ATXN7: variants seen among roughly 807,000 people sequenced by gnomAD.
ATXN7 encodes the protein ataxin-7.
ATXN7 carries 12 observed loss-of-function variants against 70.5 expected under a neutral mutation model. The observed-to-expected ratio is 0.17, with a 90% confidence interval of 0.11 to 0.28. The LOEUF is 0.28. Ranked by LOEUF, ATXN7 falls within the 10% of genes least tolerant of loss-of-function variation. The pLI is 1.00. For synonymous variants in ATXN7, 498 were observed against 448.7 expected, an observed-to-expected ratio of 1.11 and a Z score of -1.39; for missense variants, 1,256 against 1,131.7, an observed-to-expected ratio of 1.11 and a Z score of -1.58.
chr3:63,916,905 T>TTTG (rs571642439), intron 4 of ATXN7, among the ~76,000 whole-genome samples: 14 of 152,110 alleles, frequency 9.2e-5, no homozygotes, highest in East Asian at 1.9e-4. Context: ...ATTTTGACTT[T>TTTG]TTGTTGTTGT....
chr3:63,909,412 A>G (rs1703940448), intron 2 of ATXN7, among the ~76,000 whole-genome samples: 2 of 152,188 alleles, frequency 1.3e-5, no homozygotes, highest in Non-Finnish European at 1.5e-5. Flanking sequence ...CCACACACAC[A>G]TACACACAAA....
chr3:63,990,166 A>C lies in ATXN7; in HGVS notation c.1362-10A>C, dbSNP rs760810024. 2 of 1,612,008 alleles carry C rather than the reference A, an allele frequency of 1.2e-6. No individual in the cohort carries two copies. ...TGATCTGATCCGTGCTGCACTTTCT[A>C]CTCACCAAGGCCTCCAGGCTGCCCT... is the stretch of plus-strand genomic sequence containing the variant. On this transcript the variant is annotated splice_polypyrimidine_tract_variant and intron_variant, in intron 9 of 12. Coordinates refer to ENST00000674280, the MANE Select transcript of ATXN7 (RefSeq NM_001377405.1).
At chr3:63,915,143 G>A (rs1200410059) in intron 4 of ATXN7, among the ~76,000 whole-genome samples, 1 of 152,116 alleles carries the variant, frequency 6.6e-6, no homozygotes, top group Admixed American at 6.5e-5. Flanking sequence ...CACCACGTTG[G>A]CCACGATGGT....
chr3:63,983,025 G>A lies in ATXN7; in HGVS notation c.1095+4G>A. On this transcript the variant is annotated splice_donor_region_variant and intron_variant, in intron 8 of 12. Coordinates refer to ENST00000674280, the MANE Select transcript of ATXN7 (RefSeq NM_001377405.1). ...CACCCGGTCTTTGACATGCAAGGTA[G>A]GTGGACTCCTGAAAGTCAAGTCGAC... 1 of 1,612,732 alleles carries A rather than the reference G, an allele frequency of 6.2e-7. No individual in the cohort carries two copies. The highest frequency in any genetic ancestry group is 8.5e-7 in the Non-Finnish European group (1 of 1,178,850).
chr3:63,986,470 G>T (rs1256568900), intron 8 of ATXN7, among the ~76,000 whole-genome samples: 1 of 152,136 alleles, frequency 6.6e-6, no homozygotes, highest in African/African-American at 2.4e-5. Context: ...CTGAGGAGAG[G>T]TTTATACATC....
intron 1 of ATXN7, among the ~76,000 whole-genome samples, chr3:63,879,215 A>G (rs1340956258): frequency 1.3e-5 from 2 of 152,230 alleles, no homozygotes; most frequent in African/African-American, 4.8e-5. Flanking sequence ...GAGTTACCCT[A>G]CTCTTATCAG....
chr3:63,935,349 C>G (rs1465730605), intron 4 of ATXN7, among the ~76,000 whole-genome samples: 1 of 152,080 alleles, frequency 6.6e-6, no homozygotes, highest in African/African-American at 2.4e-5. Flanking sequence ...AGCCCTTGCT[C>G]TGTATAGTCT....
At chr3:63,973,313 T>C (rs1186410954) in intron 5 of ATXN7, among the ~76,000 whole-genome samples, 1 of 150,666 alleles carries the variant, frequency 6.6e-6, no homozygotes, top group Non-Finnish European at 1.5e-5. Flanking sequence ...AAGGTGACCA[T>C]AAACAACCTG....
chr3:63,872,449 T>G (rs1371694714), intron 1 of ATXN7, among the ~76,000 whole-genome samples: 1 of 152,194 alleles, frequency 6.6e-6, no homozygotes, highest in Non-Finnish European at 1.5e-5. Flanking sequence ...CTCTCTGAGC[T>G]CCACATAATC....
At chr3:63,914,193 C>T (rs1217047635) in intron 4 of ATXN7, among the ~76,000 whole-genome samples, 1 of 152,202 alleles carries the variant, frequency 6.6e-6, no homozygotes, top group Non-Finnish European at 1.5e-5. Context: ...ATAGGTAGAA[C>T]TTTGGCAACT....
chr3:63,878,353 G>A (rs1702805245), intron 1 of ATXN7: 1 of 152,212 alleles, frequency 6.6e-6, no homozygotes, highest in Non-Finnish European at 1.5e-5. Context: ...CTCCTACCTA[G>A]AGAATTGTAA....
At position 63,912,804 on chromosome 3, in the gene ATXN7, C is replaced by T. The variant is rs1021114622; in HGVS notation, c.206C>T (p.Ser69Phe). 5 of 1,561,396 alleles carry T rather than the reference C, an allele frequency of 3.2e-6. No homozygotes were observed. In the African/African-American group the frequency reaches 4.3e-5, roughly 13 times the overall value. ...RPEDGGPGAA[S>F]TSAAAMATVG... is the part of the protein sequence containing the mutation. ...GAGGACGGCGGGCCCGGCGCCGCCT[C>T]CACCTCGGCCGCCGCAATGGCGACG... Residue 69 changes from serine (S) to phenylalanine (F), a missense_variant, in exon 3 of 13, where the codon TCC (serine) becomes TTC (phenylalanine). Ser to Phe is a radical substitution (Grantham distance 155). Coordinates refer to ENST00000674280, the MANE Select transcript of ATXN7 (RefSeq NM_001377405.1).
intron 4 of ATXN7, among the ~76,000 whole-genome samples, chr3:63,920,885 G>A (rs772640696): frequency 4.8e-5 from 7 of 146,536 alleles, no homozygotes; most frequent in South Asian, 4.1e-4. Flanking sequence ...TAATCACATT[G>A]TTGTTGAAAG....
intron 4 of ATXN7, among the ~76,000 whole-genome samples, chr3:63,951,891 A>G (rs1314929535): frequency 6.6e-6 from 1 of 152,224 alleles, no homozygotes; most frequent in Non-Finnish European, 1.5e-5. Flanking sequence ...TGGAAAAAAT[A>G]TATTAAAATA....
chr3:63,875,723 CT>C (rs1702730728), intron 1 of ATXN7, among the ~76,000 whole-genome samples: 1 of 152,160 alleles, frequency 6.6e-6, no homozygotes. Flanking sequence ...TGGCTGTTTT[CT>C]GCTGACAGGT....
chr3:63,875,218 G>A (rs991470415), intron 1 of ATXN7, among the ~76,000 whole-genome samples: 1 of 152,054 alleles, frequency 6.6e-6, no homozygotes, highest in East Asian at 1.9e-4. Context: ...AGCCTCCTGA[G>A]TAGCTGGGAC....
At chr3:63,943,714 A>C (rs2074809634) in intron 4 of ATXN7, among the ~76,000 whole-genome samples, 1 of 152,124 alleles carries the variant, frequency 6.6e-6, no homozygotes, top group African/African-American at 2.4e-5. Context: ...ATGTGTTTAT[A>C]TTAGCTGCAG....
chr3:63,898,865 T>G (rs896751596), intron 2 of ATXN7, among the ~76,000 whole-genome samples: 3 of 152,190 alleles, frequency 2.0e-5, no homozygotes, highest in Admixed American at 2.0e-4. Flanking sequence ...CCCCAGCTCC[T>G]GTTTTCTTGT....
chr3:63,975,438 A>T (rs377766512), intron 5 of ATXN7, among the ~76,000 whole-genome samples: 1 of 152,320 alleles, frequency 6.6e-6, no homozygotes, highest in East Asian at 1.9e-4. Flanking sequence ...GGGAATAACC[A>T]CTTTTTAAAA....
Sources: allele counts gnomAD v4.1 joint callset (sites outside exome capture counted in the v4.1 genomes callset), GRCh38; gene constraint gnomAD v4.1.1; transcripts MANE v1.5; gene names NCBI Gene and HGNC (gene_info 2026-07-23, HGNC 2026-07-21).